Variants in FBXW7 observed in about 807,000 individuals in gnomAD.
The protein encoded by FBXW7 is F-box and WD repeat domain containing 7.
In FBXW7, 11 loss-of-function variants were observed where a neutral mutation model predicts 86.3. The ratio of observed to expected loss-of-function variants is 0.13; its 90% CI spans 0.08 to 0.21. The LOEUF (loss-of-function observed/expected upper bound fraction) is 0.21. Ranked by LOEUF, FBXW7 falls within the 10% of genes least tolerant of loss-of-function variation. The pLI, the probability that FBXW7 is intolerant of heterozygous loss-of-function variation, is 1.00. For synonymous variants in FBXW7, 313 were observed against 297.9 expected (o/e 1.05, Z -0.52); for missense variants, 488 against 847.4 (o/e 0.58, Z 5.27).
At chr4:152,418,162 C>CACACACAA (rs1185715774) in intron 2 of FBXW7, among the ~76,000 whole-genome samples, 2 of 150,784 alleles carry the variant, frequency 1.3e-5, no homozygotes, top group African/African-American at 4.9e-5. Flanking sequence ...CACACACACA[C>CACACACAA]AAAATCCACT....
intron 2 of FBXW7, among the ~76,000 whole-genome samples, chr4:152,471,982 T>G (rs1000802785): frequency 6.6e-6 from 1 of 152,064 alleles, no homozygotes; most frequent in Non-Finnish European, 1.5e-5. Context: ...AATGCACATG[T>G]TCCACTAAAG....
intron 5 of FBXW7, among the ~76,000 whole-genome samples, chr4:152,349,241 T>C (rs1042496974): frequency 6.6e-6 from 1 of 151,938 alleles, no homozygotes; most frequent in East Asian, 1.9e-4. Flanking sequence ...GAAGTTCTTA[T>C]GGTTTCTACT....
chr4:152,396,188 T>G (rs1301629640), intron 4 of FBXW7, among the ~76,000 whole-genome samples: 1 of 151,936 alleles, frequency 6.6e-6, no homozygotes. Context: ...TCTCTAGTAT[T>G]CATATTCATA....
chr4:152,432,451 T>C (rs891998024), intron 2 of FBXW7, among the ~76,000 whole-genome samples: 3 of 152,192 alleles, frequency 2.0e-5, no homozygotes, highest in Non-Finnish European at 2.9e-5. Context: ...TTATATAAAG[T>C]AGAAAGCGCA....
intron 4 of FBXW7, among the ~76,000 whole-genome samples, chr4:152,388,031 A>AT (rs372291868): frequency 2.3e-4 from 34 of 149,598 alleles, no homozygotes; most frequent in South Asian, 6.3e-4. Context: ...AAGTTTTAGT[A>AT]TTTTTTTTTT....
intron 2 of FBXW7, among the ~76,000 whole-genome samples, chr4:152,472,383 G>A (rs1161618095): frequency 2.6e-5 from 4 of 152,090 alleles, no homozygotes; most frequent in African/African-American, 9.7e-5. Context: ...ACCCAAAATT[G>A]ATATAATTTG....
At chr4:152,339,835 AG>A (rs1244100279) in intron 6 of FBXW7, among the ~76,000 whole-genome samples, 1 of 145,708 alleles carries the variant, frequency 6.9e-6, no homozygotes, top group African/African-American at 2.6e-5. Flanking sequence ...CCAGCTACTC[AG>A]GGGGCTGTGG....
intron 2 of FBXW7, among the ~76,000 whole-genome samples, chr4:152,494,690 A>G (rs1437289100): frequency 2.0e-5 from 3 of 152,170 alleles, no homozygotes; most frequent in African/African-American, 2.4e-5. Context: ...ATGTTTGAGA[A>G]TTATTGTAGG....
intron 4 of FBXW7, among the ~76,000 whole-genome samples, chr4:152,384,404 T>C (rs143350874): frequency 2.6e-5 from 4 of 152,216 alleles, no homozygotes; most frequent in South Asian, 2.1e-4. Context: ...GAAGATACTA[T>C]ACTAAGTAAA....
chr4:152,419,149 T>A (rs1419629870), intron 2 of FBXW7, among the ~76,000 whole-genome samples: 2 of 152,132 alleles, frequency 1.3e-5, no homozygotes, highest in Non-Finnish European at 2.9e-5. Context: ...TATTCAACAC[T>A]GTCAATTAAT....
At chr4:152,527,766 G>A (rs2149741842) in intron 2 of FBXW7, among the ~76,000 whole-genome samples, 1 of 151,676 alleles carries the variant, frequency 6.6e-6, no homozygotes, top group South Asian at 2.1e-4. Context: ...GTGACAACAA[G>A]CAACCCTGTC....
At chr4:152,424,591 C>A (rs530847049) in intron 2 of FBXW7, among the ~76,000 whole-genome samples, 32 of 152,306 alleles carry the variant, frequency 2.1e-4, no homozygotes, top group Middle Eastern at 3.4e-3. Context: ...TGGTGAGTTA[C>A]CGCATGTGTT....
At chr4:152,364,821 CTT>C (rs1179325959) in intron 4 of FBXW7, among the ~76,000 whole-genome samples, 20 of 152,266 alleles carry the variant, frequency 1.3e-4, no homozygotes, top group Middle Eastern at 3.4e-3. Context: ...CTACCCTACA[CTT>C]TGTCTCAAGT....
At chr4:152,424,848 A>G (rs1739240514) in intron 2 of FBXW7, among the ~76,000 whole-genome samples, 1 of 152,224 alleles carries the variant, frequency 6.6e-6, no homozygotes, top group Admixed American at 6.5e-5. Flanking sequence ...CTCTAGGCAA[A>G]TTAAGACTTC....
intron 2 of FBXW7, among the ~76,000 whole-genome samples, chr4:152,486,149 G>T (rs1745320167): frequency 6.6e-6 from 1 of 152,096 alleles, no homozygotes; most frequent in South Asian, 2.1e-4. Context: ...CCTATATAGG[G>T]CACTTACTAT....
Position 152,411,716 on chromosome 4 carries a change from C to T in FBXW7, c.88G>A (p.Glu30Lys), listed in dbSNP as rs535906025. ...RGNPSSSQVD[E>K]EQMNRVVEEE... ...TCTACCACACGATTCATCTGTTCTTCATCTACCTGGCTTGAGGAAGGGTTA... is the reference window on the plus strand; with the variant it reads ...TCTACCACACGATTCATCTGTTCTTTATCTACCTGGCTTGAGGAAGGGTTA... The change falls in exon 4 of 14, where the codon GAA becomes AAA. Residue 30 changes from glutamate to lysine, a missense_variant. Around this residue, in one of 4 missense-constraint regions of FBXW7, gnomAD observed 230 missense variants for 240.0 expected, o/e 0.96. Coordinates refer to ENST00000281708, the MANE Select transcript of FBXW7 (RefSeq NM_001349798.2). 1 of 1,613,728 alleles carries T rather than the reference C, an allele frequency of 6.2e-7. No homozygotes were observed. The highest frequency in any genetic ancestry group is 8.5e-7 in the Non-Finnish European group (1 of 1,179,826).
intron 2 of FBXW7, among the ~76,000 whole-genome samples, chr4:152,476,854 T>C (rs1710044763): frequency 6.6e-6 from 1 of 152,182 alleles, no homozygotes; most frequent in African/African-American, 2.4e-5. Context: ...AGGATACTTT[T>C]ACAGCAATAG....
intron 2 of FBXW7, among the ~76,000 whole-genome samples, chr4:152,473,681 G>T (rs1469020476): frequency 6.6e-6 from 1 of 151,854 alleles, no homozygotes; most frequent in East Asian, 1.9e-4. Flanking sequence ...ACTGGGTCTT[G>T]TTATGTTGCC....
At chr4:152,466,928 C>T (rs966356550) in intron 2 of FBXW7, among the ~76,000 whole-genome samples, 1 of 152,142 alleles carries the variant, frequency 6.6e-6, no homozygotes, top group East Asian at 1.9e-4. Flanking sequence ...AGCGAAAGAG[C>T]GAGATTCCGT....
Sources: allele counts gnomAD v4.1 joint callset (sites outside exome capture counted in the v4.1 genomes callset), GRCh38; gene constraint gnomAD v4.1.1; regional missense constraint gnomAD v4.1.1; transcripts MANE v1.5; gene names NCBI Gene and HGNC (gene_info 2026-07-23, HGNC 2026-07-21).